The following ARHGAP25 variants were observed in gnomAD, a reference collection of about 807,000 sequenced individuals.
ARHGAP25 encodes the protein rho GTPase-activating protein 25.
In ARHGAP25, 34 loss-of-function variants were observed where a neutral mutation model predicts 71.0. The ratio of observed to expected loss-of-function variants is 0.48; its 90% CI spans 0.36 to 0.64. The LOEUF is 0.64. Ranked by LOEUF, ARHGAP25 falls within the 30% of genes least tolerant of loss-of-function variation. The probability of loss-of-function intolerance (pLI) is 0.00; values close to 1 mark genes in which losing one functional copy is unlikely to be tolerated. For missense variants in ARHGAP25, 706 were observed against 805.1 expected, an observed-to-expected ratio of 0.88 and a Z score of 1.49; for synonymous variants, 282 against 296.5, an observed-to-expected ratio of 0.95 and a Z score of 0.50.
At chr2:68,781,738 G>A (rs2104389144) in intron 2 of ARHGAP25, among the ~76,000 whole-genome samples, 1 of 152,306 alleles carries the variant, frequency 6.6e-6, no homozygotes, top group Non-Finnish European at 1.5e-5. Context: ...GAGGACTGCT[G>A]GAAGGACTAC....
At chr2:68,783,425 T>C (rs2311412) in intron 3 of ARHGAP25, among the ~76,000 whole-genome samples, 69,955 of 151,932 alleles carry the variant, frequency 0.46, 16,585 homozygotes, top group Admixed American at 0.51. Flanking sequence ...TTTTTAAGTT[T>C]CTAGATGCTT....
rs1446373148 is a variant in ARHGAP25 at position 68,735,040 on chromosome 2, C to T, written c.-160C>T. 7 of 679,522 alleles carry T rather than the reference C, an allele frequency of 1.0e-5. No individual in the cohort carries two copies. The highest frequency in any genetic ancestry group is 1.8e-5 in the African/African-American group (1 of 55,260). 42.1% of individuals were successfully genotyped at this position (679,522 alleles called of 1,614,324 possible). Reference sequence around the variant, plus strand: ...TTCATCTAAGAGAAAGGAGGAGACACGTTGGCAAATCAGCCTCAAGCCTAA... The same window carrying T: ...TTCATCTAAGAGAAAGGAGGAGACATGTTGGCAAATCAGCCTCAAGCCTAA... On this transcript the variant is annotated 5_prime_UTR_variant, in exon 1 of 11. In the 5' UTR this introduces an upstream ATG that the reference lacks. Transcript: ENST00000409202.
intron 1 of ARHGAP25, among the ~76,000 whole-genome samples, chr2:68,739,510 A>G (rs914185044): frequency 6.6e-6 from 1 of 152,200 alleles, no homozygotes; most frequent in Non-Finnish European, 1.5e-5. Flanking sequence ...GCTGGGACCA[A>G]TTGAGAGAAG....
At chr2:68,730,067 A>G (rs1386460010), upstream of ARHGAP25, among the ~76,000 whole-genome samples, 1 of 152,188 alleles carries the variant, frequency 6.6e-6, no homozygotes, top group Non-Finnish European at 1.5e-5. Flanking sequence ...AAAAATGCTT[A>G]ATGACAGATA....
chr2:68,792,549 T>G (rs936379599), intron 4 of ARHGAP25, among the ~76,000 whole-genome samples: 1 of 152,240 alleles, frequency 6.6e-6, no homozygotes, highest in Non-Finnish European at 1.5e-5. Context: ...AAATGGCTTC[T>G]AGTTCTATCG....
chr2:68,791,813 C>T (rs1450512364), intron 4 of ARHGAP25, among the ~76,000 whole-genome samples: 1 of 152,144 alleles, frequency 6.6e-6, no homozygotes, highest in Non-Finnish European at 1.5e-5. Flanking sequence ...ACGGCATTCC[C>T]AACTTCTTCC....
At chr2:68,758,362 A>G (rs1442488563) in intron 1 of ARHGAP25, among the ~76,000 whole-genome samples, 1 of 151,968 alleles carries the variant, frequency 6.6e-6, no homozygotes, top group African/African-American at 2.4e-5. Context: ...GCTGTCTACA[A>G]GAGACTCACT....
At chr2:68,745,763 CATTT>C (rs1464783992) in intron 1 of ARHGAP25, among the ~76,000 whole-genome samples, 2 of 152,134 alleles carry the variant, frequency 1.3e-5, no homozygotes, top group Non-Finnish European at 2.9e-5. Flanking sequence ...ACAGAACAGA[CATTT>C]ATTTATTACA....
intron 9 of ARHGAP25, among the ~76,000 whole-genome samples, chr2:68,821,159 C>T (rs755591537): frequency 4.5e-5 from 6 of 133,098 alleles, no homozygotes; most frequent in Non-Finnish European, 6.1e-5. Flanking sequence ...TGCGGTGGTG[C>T]GATCACAGCT....
rs775775381 is a variant in ARHGAP25, at chr2:68,735,066, G to A, written c.-134G>A. The stretch of plus-strand genomic sequence containing the variant: ...GTTGGCAAATCAGCCTCAAGCCTAA[G>A]ATTGCTTGTGAAGCAATCATAAGGA... On this transcript the variant is annotated 5_prime_UTR_variant, in exon 1 of 11. Transcript: ENST00000409202. 49 of 798,686 alleles carry A rather than the reference G, an allele frequency of 6.1e-5. No homozygotes were observed. The highest frequency in any genetic ancestry group is 7.9e-5 in the Non-Finnish European group (36 of 457,970). The allele number at this position is 798,686 out of a possible 1,614,324, so 49.5% of individuals were successfully genotyped here.
upstream of ARHGAP25, among the ~76,000 whole-genome samples, chr2:68,731,145 T>G (rs1354385706): frequency 1.3e-5 from 2 of 152,174 alleles, no homozygotes; most frequent in Non-Finnish European, 2.9e-5. Context: ...TAGGCTCACA[T>G]GAGCCTTGAG....
chr2:68,816,574 T>C, intron 7 of ARHGAP25: 1 of 552,886 alleles, frequency 1.8e-6, no homozygotes, highest in South Asian at 2.1e-5. Context: ...TGCTCCCCCA[T>C]TTAGGCCTGC....
chr2:68,812,386 A>T (rs1680892018), intron 5 of ARHGAP25, among the ~76,000 whole-genome samples: 1 of 152,148 alleles, frequency 6.6e-6, no homozygotes, highest in Non-Finnish European at 1.5e-5. Context: ...CCCTCCTGTA[A>T]ATGGAGAAGC....
intron 4 of ARHGAP25, among the ~76,000 whole-genome samples, chr2:68,791,018 T>A (rs1452577907): frequency 6.6e-6 from 1 of 152,196 alleles, no homozygotes; most frequent in African/African-American, 2.4e-5. Context: ...GCACTTGCTG[T>A]TTCCTTCGCT....
chr2:68,737,684 C>G (rs1675291231), intron 1 of ARHGAP25, among the ~76,000 whole-genome samples: 1 of 152,154 alleles, frequency 6.6e-6, no homozygotes, highest in South Asian at 2.1e-4. Context: ...TCATGATTCA[C>G]TCTGTAGCTC....
intron 4 of ARHGAP25, among the ~76,000 whole-genome samples, chr2:68,804,780 A>G (rs1680244481): frequency 6.6e-6 from 1 of 152,272 alleles, no homozygotes; most frequent in Non-Finnish European, 1.5e-5. Context: ...ATGCCGAATA[A>G]CCATTAGTCA....
intron 8 of ARHGAP25, among the ~76,000 whole-genome samples, chr2:68,818,195 AG>A (rs1339671226): frequency 6.6e-6 from 1 of 152,246 alleles, no homozygotes; most frequent in Non-Finnish European, 1.5e-5. Flanking sequence ...ACAGAGGTCA[AG>A]GGTTTGCCCA....
At position 68,822,536 on chromosome 2, in the gene ARHGAP25, T is replaced by C. The variant is rs1359482410; in HGVS notation, c.1397T>C (p.Phe466Ser). The change falls in exon 10 of 11, where the codon TTT becomes TCT. Residue 466 changes from phenylalanine to serine, a missense_variant. Physicochemically the swap from Phe to Ser is radical, Grantham distance 155 (BLOSUM62 -2). Coordinates refer to ENST00000409202, the MANE Select transcript of ARHGAP25 (RefSeq NM_001007231.3). ...QGANSSKMEI[F>S]KNEFWSPSSE... ...GCCAACAGCAGCAAAATGGAGATCT[T>C]TAAAAATGAATTCTGGTCGCCTTCC... 6.2e-7 allele frequency: 1 copy of C among 1,614,180 alleles called. No homozygotes were observed. The highest frequency in any genetic ancestry group is 2.2e-5 in the East Asian group (1 of 44,886).
upstream of ARHGAP25, among the ~76,000 whole-genome samples, chr2:68,734,635 C>A (rs963817496): frequency 9.9e-5 from 15 of 152,142 alleles, no homozygotes; most frequent in Admixed American, 6.5e-4. Flanking sequence ...AAACTGTAAT[C>A]TTTTATAACA....
Sources: allele counts gnomAD v4.1 joint callset (sites outside exome capture counted in the v4.1 genomes callset), GRCh38; gene constraint gnomAD v4.1.1; transcripts MANE v1.5; gene names NCBI Gene and HGNC (gene_info 2026-07-23, HGNC 2026-07-21).